The following KAZN variants were observed in gnomAD, a reference collection of about 807,000 sequenced individuals.
KAZN encodes the protein kazrin.
Under a neutral mutation model 87.4 loss-of-function variants are expected in KAZN, and 40 were observed. That is an observed-to-expected ratio of 0.46 (90% CI 0.36 to 0.60). The LOEUF (loss-of-function observed/expected upper bound fraction) is 0.60, where lower values mean the gene tolerates loss of function less well. KAZN is among the 20% of genes least tolerant of loss of function. The pLI is 0.00. For missense variants in KAZN, 898 were observed against 1,073.9 expected (o/e 0.84, Z 2.29); for synonymous variants, 466 against 458.3 (o/e 1.02, Z -0.22).
intron 1 of KAZN, among the ~76,000 whole-genome samples, chr1:14,881,916 G>T (rs1026421350): frequency 4.6e-5 from 7 of 151,898 alleles, no homozygotes; most frequent in African/African-American, 1.7e-4. Flanking sequence ...CTCACTGTAA[G>T]CTCCTCCGGG....
intron 1 of KAZN, among the ~76,000 whole-genome samples, chr1:14,048,686 T>C (rs1049653863): frequency 6.6e-6 from 1 of 152,192 alleles, no homozygotes; most frequent in Non-Finnish European, 1.5e-5. Context: ...ATTACAGGCA[T>C]GAGCCACTGC....
intron 1 of KAZN, among the ~76,000 whole-genome samples, chr1:14,030,306 C>A (rs1641261981): frequency 6.6e-6 from 1 of 151,630 alleles, no homozygotes; most frequent in Non-Finnish European, 1.5e-5. Flanking sequence ...TGGAAATCAT[C>A]ATTCTCAGTA....
chr1:15,036,513 C>T (rs1020737412), intron 3 of KAZN, among the ~76,000 whole-genome samples: 32 of 152,016 alleles, frequency 2.1e-4, no homozygotes, highest in Non-Finnish European at 1.3e-4. Flanking sequence ...GGGGACGACC[C>T]AGAAGCAAGG....
At chr1:14,446,959 A>G (rs1304036024) in intron 2 of KAZN, among the ~76,000 whole-genome samples, 1 of 152,166 alleles carries the variant, frequency 6.6e-6, no homozygotes, top group Non-Finnish European at 1.5e-5. Flanking sequence ...GGTTTGTTAT[A>G]TAGGGATGTT....
chr1:14,626,753 T>C (rs1467906096), intron 1 of KAZN, among the ~76,000 whole-genome samples: 3 of 152,194 alleles, frequency 2.0e-5, no homozygotes, highest in Non-Finnish European at 2.9e-5. Flanking sequence ...CTTGTCTTAT[T>C]TCTTGATGTT....
At chr1:14,756,982 G>A (rs78928928) in intron 1 of KAZN, among the ~76,000 whole-genome samples, 1,796 of 152,168 alleles carry the variant, frequency 0.012, 19 homozygotes, top group South Asian at 0.07. Flanking sequence ...TTGTGCATTC[G>A]GGTTTCAGAT....
rs578090199 is a variant in KAZN, at chr1:14,077,001, G to C, written c.92-103434G>C. ...GTGTGATTGATTCATACACGTCTAG[G>C]ACTCCAGCCTTTAGGGTCCCCGTTC... On this transcript the variant is annotated intron_variant, in intron 1 of 16. Coordinates refer to the KAZN transcript ENST00000636203. Among the ~76,000 whole-genome samples the C allele has an allele frequency of 3.3e-5, 5 of 152,262 alleles. No homozygotes were observed. The East Asian group carries it at 9.7e-4, about 29-fold the overall frequency.
chr1:14,577,041 C>T lies in KAZN; in HGVS notation c.250-21942C>T, dbSNP rs10927469. Among the ~76,000 whole-genome samples, 1,391 of 152,278 alleles carry T rather than the reference C, an allele frequency of 9.1e-3. 25 individuals are homozygous for T. The highest frequency in any genetic ancestry group is 0.032 in the African/African-American group (1,324 of 41,554). On this transcript the variant is annotated intron_variant, in intron 2 of 16. Coordinates refer to the KAZN transcript ENST00000636203. Reference sequence around the variant, plus strand: ...TTTGAAGACGCAGCTACTGGTGCTACTGATTAAAATGTGAGAGGAATCTGG... The same window carrying T: ...TTTGAAGACGCAGCTACTGGTGCTATTGATTAAAATGTGAGAGGAATCTGG...
chr1:14,770,341 G>A (rs1344561824), intron 1 of KAZN, among the ~76,000 whole-genome samples: 1 of 152,186 alleles, frequency 6.6e-6, no homozygotes, highest in Non-Finnish European at 1.5e-5. Context: ...AAGGAGGATG[G>A]TAGCTTGGAC....
At chr1:14,038,192 A>G (rs1161910014) in intron 1 of KAZN, among the ~76,000 whole-genome samples, 1 of 152,206 alleles carries the variant, frequency 6.6e-6, no homozygotes, top group Non-Finnish European at 1.5e-5. Context: ...AGTAAGTTAC[A>G]TAGTATTTAG....
chr1:14,945,827 G>A, intron 1 of KAZN: 1 of 979,898 alleles, frequency 1.0e-6, no homozygotes, highest in Non-Finnish European at 1.2e-6. Context: ...AAGGGCAAGT[G>A]TCCGCTCCGG....
At chr1:13,928,183 A>T (rs1640359081) in intron 1 of KAZN, among the ~76,000 whole-genome samples, 1 of 152,196 alleles carries the variant, frequency 6.6e-6, no homozygotes, top group Admixed American at 6.5e-5. Context: ...CTGTGACTTT[A>T]AAAATGTGCC....
intron 1 of KAZN, among the ~76,000 whole-genome samples, chr1:14,631,736 A>G (rs959819368): frequency 6.6e-6 from 1 of 152,242 alleles, no homozygotes; most frequent in Non-Finnish European, 1.5e-5. Context: ...GATTTTTCCC[A>G]GGGAATGAAG....
At chr1:13,913,210 C>T (rs1034470859) in intron 1 of KAZN, among the ~76,000 whole-genome samples, 1 of 151,994 alleles carries the variant, frequency 6.6e-6, no homozygotes, top group Non-Finnish European at 1.5e-5. Flanking sequence ...CTCAGATAGA[C>T]AGACATCAGG....
At chr1:14,433,170 A>G (rs1267268467) in intron 2 of KAZN, among the ~76,000 whole-genome samples, 1 of 151,984 alleles carries the variant, frequency 6.6e-6, no homozygotes, top group African/African-American at 2.4e-5. Flanking sequence ...ACATGCAGAC[A>G]CCTGTGACGC....
At chr1:13,908,385 A>G (rs1639523539) in intron 1 of KAZN, among the ~76,000 whole-genome samples, 1 of 152,230 alleles carries the variant, frequency 6.6e-6, no homozygotes, top group South Asian at 2.1e-4. Context: ...GCACAAAGCT[A>G]TTGCTATAGG....
chr1:15,065,563 G>A, intron 7 of KAZN, 67 bp from the exon 8 acceptor site: 6 of 1,387,048 alleles, frequency 4.3e-6, no homozygotes, highest in Non-Finnish European at 6.0e-6. Context: ...ACTGCAGTCT[G>A]CACCCCAGCT....
intron 1 of KAZN, among the ~76,000 whole-genome samples, chr1:14,123,827 T>C (rs561416490): frequency 5.9e-5 from 9 of 152,168 alleles, no homozygotes; most frequent in African/African-American, 9.7e-5. Context: ...CTGGTCTCAG[T>C]GGTCAAGGAC....
At chr1:13,909,804 A>C (rs1286606544) in intron 1 of KAZN, among the ~76,000 whole-genome samples, 3 of 152,298 alleles carry the variant, frequency 2.0e-5, no homozygotes, top group Admixed American at 1.3e-4. Flanking sequence ...CCTGAGAATA[A>C]GGTGGGTAAT....
Sources: allele counts gnomAD v4.1 joint callset (sites outside exome capture counted in the v4.1 genomes callset), GRCh38; gene constraint gnomAD v4.1.1; transcripts MANE v1.5; gene names NCBI Gene and HGNC (gene_info 2026-07-23, HGNC 2026-07-21).